The following APC2 variants were observed in gnomAD, a reference collection of about 807,000 sequenced individuals.
APC2 encodes the protein APC regulator of Wnt signaling pathway 2, also known as adenomatous polyposis coli protein 2.
In APC2, 41 loss-of-function variants were observed where a neutral mutation model predicts 72.5. The ratio of observed to expected loss-of-function variants is 0.57; its 90% CI spans 0.44 to 0.73. APC2 has a LOEUF of 0.73. Ranked by LOEUF, APC2 falls within the 30% of genes least tolerant of loss-of-function variation. APC2 has a pLI of 0.00. For synonymous variants in APC2, 1,898 were observed against 1,612.0 expected (o/e 1.18, Z -4.25); for missense variants, 3,729 against 3,403.4 (o/e 1.10, Z -2.38).
Position 1,462,127 on chromosome 19 carries a change from C to T in APC2, c.1803C>T (p.Gly601=), listed in dbSNP as rs746930193. The change falls in exon 14 of 15, where the codon GGC becomes GGT. Residue 601 remains glycine (G), a synonymous_variant. Transcript: ENST00000590469. ...CGCTGGCCATCATCGAGAGCGGCGGCGGCATCCTCCGCAATGTGTCCAGCC... is the reference window on the plus strand; with the variant it reads ...CGCTGGCCATCATCGAGAGCGGCGGTGGCATCCTCCGCAATGTGTCCAGCC... ...SNSLAIIESG[G]GILRNVSSLV... 1.1e-5 allele frequency: 17 copies of T among 1,612,170 alleles called. No individual in the cohort carries two copies. Among genetic ancestry groups the T allele is most frequent in the South Asian group, 3.3e-5 (3 of 91,072 alleles).
chr19:1,466,003 G>A lies in APC2; in HGVS notation c.2702G>A (p.Gly901Glu), dbSNP rs771335674. ...SCSPCRGPEG[G>E]RREAGSRAHP... ...TCGCCATGCCGCGGCCCGGAGGGCG[G>A]GCGGCGAGAGGCAGGAAGCCGGGCG... Residue 901 changes from glycine (G) to glutamate (E), a missense_variant, in exon 15 of 15, where the codon GGG becomes GAG. Transcript: ENST00000590469. 4.0e-6 allele frequency: 6 copies of A among 1,500,934 alleles called. No homozygotes were observed. The African/African-American group carries it at 8.7e-5, about 22-fold the overall frequency. 93.0% of individuals were successfully genotyped at this position (1,500,934 alleles called of 1,614,324 possible).
Position 1,457,156 on chromosome 19 carries a change from C to T in APC2, c.1120C>T (p.Leu374=), listed in dbSNP as rs762130579. The T allele has an allele frequency of 2.0e-5, 31 of 1,586,700 alleles. No homozygotes were observed. The highest frequency in any genetic ancestry group is 2.7e-5 in the African/African-American group (2 of 74,140). The change falls in exon 9 of 15, where the codon CTG becomes TTG. Residue 374 remains leucine (L), a synonymous_variant. Coordinates refer to ENST00000590469, the MANE Select transcript of APC2 (RefSeq NM_005883.3). ...ARKEMRVLHV[L]EQIRAYCETC... Reference sequence around the variant, plus strand: ...CAAGGAGATGCGCGTCCTGCACGTGCTGGAGCAGATCCGGGCCTACTGCGA... The same window carrying T: ...CAAGGAGATGCGCGTCCTGCACGTGTTGGAGCAGATCCGGGCCTACTGCGA...
At chr19:1,449,151 C>T (rs930730456), upstream of APC2, among the ~76,000 whole-genome samples, 2 of 152,222 alleles carry the variant, frequency 1.3e-5, no homozygotes, top group Non-Finnish European at 2.9e-5. Flanking sequence ...CAGAATCTTC[C>T]GCCTCCTCTC....
At chr19:1,453,903 A>G (rs967677733) in intron 4 of APC2, among the ~76,000 whole-genome samples, 1 of 152,142 alleles carries the variant, frequency 6.6e-6, no homozygotes, top group Admixed American at 6.5e-5. Context: ...GGTCCGAGAC[A>G]CGCAGGCGTC....
upstream of APC2, among the ~76,000 whole-genome samples, chr19:1,446,828 G>A (rs1413400915): frequency 1.3e-5 from 2 of 152,142 alleles, no homozygotes; most frequent in Non-Finnish European, 2.9e-5. This position sits in a 1 kb window ranked among gnomAD's most constrained non-coding sequence, Gnocchi z 6.1. Flanking sequence ...GCTGCTGTTC[G>A]TATCCGTCCG....
chr19:1,455,306 T>G, intron 5 of APC2, 49 bp downstream of exon 5: 1 of 1,580,842 alleles, frequency 6.3e-7, no homozygotes, highest in Non-Finnish European at 8.6e-7. Context: ...CCACTCAGGG[T>G]GCGGGAAGCG....
chr19:1,466,783 G>C lies in APC2; in HGVS notation c.3482G>C (p.Arg1161Pro), dbSNP rs758816324. ...YVQETPLVLS[R>P]CSSVSSLGSF... ...CAGGAGACACCGCTTGTGCTGAGCC[G>C]CTGCAGCTCTGTGAGCTCGCTGGGC... The change falls in exon 15 of 15, where the codon CGC (arginine) becomes CCC (proline). Residue 1161 changes from arginine to proline, a missense_variant. Arg to Pro is a moderately radical substitution (Grantham distance 103). Transcript: ENST00000590469. 6.0e-5 allele frequency: 93 copies of C among 1,550,246 alleles called. No homozygotes were observed. The highest frequency in any genetic ancestry group is 8.1e-5 in the Non-Finnish European group (93 of 1,147,942).
At chr19:1,446,443 T>C, upstream of APC2, 4 of 877,768 alleles carry the variant, frequency 4.6e-6, no homozygotes, top group Non-Finnish European at 5.5e-6. This position sits in a 1 kb window ranked among gnomAD's most constrained non-coding sequence, Gnocchi z 6.1. Context: ...GGGGGGCGCA[T>C]GGGGCGAGCG....
In APC2 at chr19:1,462,144, T is replaced by A. The variant is rs1214149405; in HGVS notation, c.1820T>A (p.Val607Glu). The A allele has an allele frequency of 6.2e-7, 1 of 1,611,264 alleles. No individual in the cohort carries two copies. Among genetic ancestry groups the A allele is most frequent in the Non-Finnish European group, 8.5e-7 (1 of 1,179,670 alleles). ...AGCGGCGGCGGCATCCTCCGCAATGTGTCCAGCCTCGTCGCCACCCGTGAG... is the reference window on the plus strand; with the variant it reads ...AGCGGCGGCGGCATCCTCCGCAATGAGTCCAGCCTCGTCGCCACCCGTGAG... ...IESGGGILRN[V>E]SSLVATREDY... The change falls in exon 14 of 15, where the codon GTG becomes GAG. Residue 607 changes from valine (V) to glutamate (E), a missense_variant. By Grantham distance (121) the Val-to-Glu change is moderately radical. Transcript: ENST00000590469.
chr19:1,468,731 C>T lies in APC2; in HGVS notation c.5430C>T (p.Gly1810=). 2.0e-6 allele frequency: 3 copies of T among 1,503,692 alleles called. No individual in the cohort carries two copies. The highest frequency in any genetic ancestry group is 1.2e-5 in the South Asian group (1 of 81,080). The allele number at this position is 1,503,692 out of a possible 1,614,324, so 93.1% of individuals were successfully genotyped here. The part of the protein sequence containing the change: ...APRAQPKGTP[G]PRATPRKVAP... ...GTGCCCAGCCCAAAGGGACCCCCGGCCCCCGCGCCACACCGCGGAAGGTGG... is the reference window on the plus strand; with the variant it reads ...GTGCCCAGCCCAAAGGGACCCCCGGTCCCCGCGCCACACCGCGGAAGGTGG... Residue 1810 remains glycine (G), a synonymous_variant, in exon 15 of 15, where the codon GGC becomes GGT. Coordinates refer to ENST00000590469, the MANE Select transcript of APC2 (RefSeq NM_005883.3).
At chr19:1,461,367 G>A in intron 13 of APC2, 1 of 593,368 alleles carries the variant, frequency 1.7e-6, no homozygotes, top group Non-Finnish European at 3.0e-6. Flanking sequence ...TTGAGGTCAG[G>A]AGTTCGAGAC....
chr19:1,462,992 C>A lies in APC2; in HGVS notation c.1853+815C>A, dbSNP rs528705946. Among the ~76,000 whole-genome samples the A allele has an allele frequency of 2.7e-3, 385 of 142,640 alleles. 1 individual carries two copies. Among genetic ancestry groups the A allele is most frequent in the Non-Finnish European group, 4.8e-3 (312 of 65,674 alleles). The allele number at this position is 142,640 out of a possible 152,430, so 93.6% of individuals were successfully genotyped here. ...TCTTAAAAAAAAAAAAAAATTACTT[C>A]AGGCTGGGCTCGGTCCCTCACACCT... On this transcript the variant is annotated intron_variant, in intron 14 of 14. Coordinates refer to ENST00000590469, the MANE Select transcript of APC2 (RefSeq NM_005883.3).
rs137877386 is a variant in APC2, at chr19:1,466,957, C to T, written c.3656C>T (p.Ala1219Val). The change falls in exon 15 of 15, where the codon GCG becomes GTG. Residue 1219 changes from alanine (A) to valine (V), a missense_variant. Transcript: ENST00000590469. ...SRSKTPPLAP[A>V]PQGPPEATQF... is the part of the protein sequence containing the mutation. Reference sequence around the variant, plus strand: ...AGCAAGACGCCACCGCTGGCGCCCGCGCCACAGGGTCCCCCCGAGGCCACC... The same window carrying T: ...AGCAAGACGCCACCGCTGGCGCCCGTGCCACAGGGTCCCCCCGAGGCCACC... 294 of 1,604,188 alleles carry T rather than the reference C, an allele frequency of 1.8e-4. No individual in the cohort carries two copies. The African/African-American group carries it at 3.6e-3, about 20-fold the overall frequency.
upstream of APC2, among the ~76,000 whole-genome samples, chr19:1,449,328 G>A (rs1006512682): frequency 6.6e-6 from 1 of 152,170 alleles, no homozygotes; most frequent in Non-Finnish European, 1.5e-5. Context: ...GGCTCTGTGT[G>A]TTAAACCTTC....
At chr19:1,453,723 C>A in intron 4 of APC2, 112 bp downstream of exon 4, 1 of 1,361,172 alleles carries the variant, frequency 7.3e-7, no homozygotes. Context: ...ACCTCACACG[C>A]CCCACCCACT....
At chr19:1,453,736 C>T in intron 4 of APC2, 125 bp downstream of exon 4, 1 of 1,285,714 alleles carries the variant, frequency 7.8e-7, no homozygotes, top group Non-Finnish European at 1.1e-6. Context: ...CACCCACTTG[C>T]ATATGGCACT....
In APC2 at chr19:1,468,676, C is replaced by T. The variant is rs2145254336; in HGVS notation, c.5375C>T (p.Thr1792Ile). 6.4e-6 allele frequency: 10 copies of T among 1,572,514 alleles called. No individual in the cohort carries two copies. Among genetic ancestry groups the T allele is most frequent in the Non-Finnish European group, 8.7e-6 (10 of 1,156,008 alleles). Residue 1792 changes from threonine to isoleucine, a missense_variant, in exon 15 of 15, where the codon ACA becomes ATA. Physicochemically the swap from Thr to Ile is moderately conservative, Grantham distance 89 (BLOSUM62 -1). Transcript: ENST00000590469. Reference protein sequence around the residue: ...PGVPAVLRGRTVIYVPSPAPR... With the variant: ...PGVPAVLRGRIVIYVPSPAPR... ...GTGCCAGCTGTGCTCCGGGGACGAA[C>T]AGTGATCTACGTCCCCAGCCCGGCA...
rs1308539998 is a variant in APC2 at position 1,468,055 on chromosome 19, C to G, written c.4754C>G (p.Ser1585Cys). The G allele has an allele frequency of 1.9e-6, 3 of 1,575,890 alleles. No homozygotes were observed. In the Admixed American group the frequency reaches 5.1e-5, roughly 27 times the overall value. Residue 1585 changes from serine to cysteine, a missense_variant, in exon 15 of 15, where the codon TCC (serine) becomes TGC (cysteine). By Grantham distance (112) the Ser-to-Cys change is moderately radical. Transcript: ENST00000590469. ...PCYSLSSSAS[S>C]LSEPEPSEPP... The stretch of plus-strand genomic sequence containing the variant: ...TACTCCCTGAGCTCCTCCGCCAGCT[C>G]CCTCAGCGAGCCCGAGCCCTCGGAG...
chr19:1,460,403 C>A, intron 11 of APC2, 83 bp downstream of exon 11: 1 of 1,583,734 alleles, frequency 6.3e-7, no homozygotes, highest in Non-Finnish European at 8.6e-7. Flanking sequence ...ATCCCAGCCT[C>A]GAAACAGCCC....
Sources: allele counts gnomAD v4.1 joint callset (sites outside exome capture counted in the v4.1 genomes callset), GRCh38; gene constraint gnomAD v4.1.1; non-coding constraint Gnocchi (gnomAD v3.1); transcripts MANE v1.5; gene names NCBI Gene and HGNC (gene_info 2026-07-23, HGNC 2026-07-21).